XKRX: variants seen among roughly 807,000 people sequenced by gnomAD.
The protein encoded by XKRX is XK related X-linked.
XKRX carries 11 observed loss-of-function variants against 22.4 expected under a neutral mutation model. That is an observed-to-expected ratio of 0.49 (90% CI 0.31 to 0.81). The LOEUF is 0.81. Among genes scored for constraint, XKRX ranks in the 40% least tolerant of loss-of-function variants. The pLI is 0.05. For synonymous variants in XKRX, 114 were observed against 132.2 expected, an observed-to-expected ratio of 0.86 and a Z score of 0.94; for missense variants, 320 against 336.5, an observed-to-expected ratio of 0.95 and a Z score of 0.38.
chrX:100,922,715 G>C (rs1329096491), intron 2 of XKRX, 78 bp downstream of exon 2: 23 of 1,051,901 alleles, frequency 2.2e-5, no homozygotes, highest in Non-Finnish European at 2.9e-5. Flanking sequence ...CTAGTGGCCA[G>C]TTTATTAGAC....
the XKRX span, among the ~76,000 whole-genome samples, chrX:100,955,103 C>T: frequency 2.7e-5 from 3 of 111,666 alleles, no homozygotes; most frequent in East Asian, 2.8e-4. Flanking sequence ...TTAAAAAATG[C>T]GGCCTGCTTC....
the XKRX span, chrX:100,956,872 A>G: frequency 1.2e-6 from 1 of 841,590 alleles, no homozygotes; most frequent in Non-Finnish European, 1.8e-6. Flanking sequence ...AGTCAAGTCT[A>G]GCCTAGAATT....
intron 2 of XKRX, among the ~76,000 whole-genome samples, chrX:100,917,378 G>A (rs1011678536): frequency 4.6e-5 from 5 of 109,382 alleles, no homozygotes; most frequent in Middle Eastern, 4.7e-3. Context: ...AGCACTTTGC[G>A]GGGCTGAGGT....
intron 2 of XKRX, 134 bp downstream of exon 2, chrX:100,922,659 C>T: frequency 1.5e-6 from 1 of 664,352 alleles, no homozygotes. Context: ...TATTAATGAA[C>T]AAGTTTTTAA....
Position 100,928,470 on chromosome X carries a change from C to G in XKRX, c.-166G>C. 4 of 1,105,465 alleles carry G rather than the reference C, an allele frequency of 3.6e-6. No homozygotes were observed. In the South Asian group the frequency reaches 1.1e-4, roughly 30 times the overall value. The allele number at this position is 1,105,465 out of a possible 1,213,427, so 91.1% of individuals were successfully genotyped here. ...AGTTAGAGCAAGAAACCGCTCTCTT[C>G]TAGACTCAGATTCGACTTGGAGTCT... is the stretch of plus-strand genomic sequence containing the variant. On this transcript the variant is annotated 5_prime_UTR_variant, in exon 1 of 3. Transcript: ENST00000372956.
chrX:100,949,414 G>GGAGTA, the XKRX span, among the ~76,000 whole-genome samples: 7 of 102,496 alleles, frequency 6.8e-5, no homozygotes, highest in Non-Finnish European at 1.4e-4. Context: ...CGCCCAGGCA[G>GGAGTA]GAGTAGAGTG....
chrX:100,890,761 T>A, the XKRX span, among the ~76,000 whole-genome samples: 2 of 111,743 alleles, frequency 1.8e-5, no homozygotes, highest in Non-Finnish European at 3.8e-5. Context: ...TAGATGCCAT[T>A]CCAGAACATG....
chrX:100,893,738 CACTT>C, the XKRX span, among the ~76,000 whole-genome samples: 2 of 111,822 alleles, frequency 1.8e-5, no homozygotes, highest in African/African-American at 3.3e-5. Context: ...TGCATGTTCT[CACTT>C]ACAAGGGGAA....
At chrX:100,921,403 T>C (rs1338395794) in intron 2 of XKRX, among the ~76,000 whole-genome samples, 1 of 111,843 alleles carries the variant, frequency 8.9e-6, no homozygotes, top group Non-Finnish European at 1.9e-5. Flanking sequence ...AAGAGTTTTC[T>C]CCTCAAACTA....
At chrX:100,933,476 T>C (rs1363800163), upstream of XKRX, among the ~76,000 whole-genome samples, 7 of 88,965 alleles carry the variant, frequency 7.9e-5, no homozygotes, top group Non-Finnish European at 1.3e-4. Context: ...TGAGATTCCG[T>C]CTAAAAAAAA....
chrX:100,921,105 C>T (rs1234341993), intron 2 of XKRX, among the ~76,000 whole-genome samples: 1 of 111,743 alleles, frequency 8.9e-6, no homozygotes, highest in Non-Finnish European at 1.9e-5. Flanking sequence ...TTTCGCCAGG[C>T]CAGGCTGGTC....
rs1233843813 is a variant in XKRX, at chrX:100,914,165, A to C, written c.*173T>G. ...CCCCCTGTTTCCAAACATAGTGGTA[A>C]CTCTTAAGAAAATAAAACCTATTTG... On this transcript the variant is annotated 3_prime_UTR_variant, in exon 3 of 3. Transcript: ENST00000372956. 1.8e-6 allele frequency: 1 copy of C among 547,193 alleles called. No homozygotes were observed. 45.1% of individuals were successfully genotyped at this position (547,193 alleles called of 1,213,427 possible). A position where few individuals can be genotyped will look rare whatever the true frequency, so the allele number is the denominator to read the frequency against.
At chrX:100,898,691 G>T in the XKRX span, among the ~76,000 whole-genome samples, 1 of 110,551 alleles carries the variant, frequency 9.0e-6, no homozygotes, top group Non-Finnish European at 1.9e-5. Flanking sequence ...ATGGGTGGGT[G>T]ACCATCAGAC....
At chrX:100,946,628 G>A in the XKRX span, among the ~76,000 whole-genome samples, 1 of 111,688 alleles carries the variant, frequency 9.0e-6, no homozygotes, top group Non-Finnish European at 1.9e-5. Context: ...ACACATAGAA[G>A]AAAAAAGAAG....
the XKRX span, among the ~76,000 whole-genome samples, chrX:100,941,973 G>A: frequency 1.1e-4 from 12 of 109,112 alleles, no homozygotes; most frequent in South Asian, 4.1e-4. Flanking sequence ...TCAGCCTCCC[G>A]AGTAGCTGGG....
chrX:100,928,792 G>A lies in XKRX; in HGVS notation c.-488C>T, dbSNP rs1032831154. ...CAAGTCAGCGGAGAGCTGAGCCAGG[G>A]CAGAAGAGCGGGCGCAGAAGAAGGA... On this transcript the variant is annotated 5_prime_UTR_variant, in exon 1 of 3. Coordinates refer to ENST00000372956, the MANE Select transcript of XKRX (RefSeq NM_212559.3). 1.3e-6 allele frequency: 1 copy of A among 757,838 alleles called. No homozygotes were observed. Among genetic ancestry groups the A allele is most frequent in the Non-Finnish European group, 1.6e-6 (1 of 641,952 alleles). 62.5% of individuals were successfully genotyped at this position (757,838 alleles called of 1,213,427 possible).
chrX:100,939,862 AC>A, the XKRX span, among the ~76,000 whole-genome samples: 1 of 112,407 alleles, frequency 8.9e-6, no homozygotes, highest in Non-Finnish European at 1.9e-5. Context: ...ATAGCCAAGA[AC>A]TAATCACAGA....
chrX:100,957,833 G>A, the XKRX span, among the ~76,000 whole-genome samples: 1 of 111,711 alleles, frequency 9.0e-6, no homozygotes, highest in East Asian at 2.8e-4. Flanking sequence ...TTGTGTGTGG[G>A]ATTGCATGGT....
At chrX:100,888,541 G>A in the XKRX span, 1 of 590,964 alleles carries the variant, frequency 1.7e-6, no homozygotes, top group Non-Finnish European at 2.9e-6. Context: ...ACTCTCCAAT[G>A]AAGAGCTTCC....
Sources: gnomAD v4.1 joint callset for allele counts (sites outside exome capture counted in the v4.1 genomes callset) on GRCh38, gnomAD v4.1.1 for gene constraint, MANE v1.5 for transcripts, NCBI Gene and HGNC (gene_info 2026-07-23, HGNC 2026-07-21) for gene names.